Variants in SPATA18 observed in about 807,000 individuals in gnomAD.
SPATA18 encodes the protein mitochondria-eating protein.
SPATA18 carries 54 observed loss-of-function variants against 68.1 expected under a neutral mutation model. The ratio of observed to expected loss-of-function variants is 0.79; its 90% CI spans 0.64 to 0.99. SPATA18 has a LOEUF of 0.99. SPATA18 is among the 50% of genes least tolerant of loss of function. SPATA18 has a pLI of 0.00. For synonymous variants in SPATA18, 242 were observed against 244.8 expected (o/e 0.99, Z 0.11); for missense variants, 724 against 681.1 (o/e 1.06, Z -0.70).
At chr4:52,074,887 C>T (rs181668649) in intron 6 of SPATA18, among the ~76,000 whole-genome samples, 9 of 152,186 alleles carry the variant, frequency 5.9e-5, no homozygotes, top group Non-Finnish European at 1.2e-4. Flanking sequence ...CTTGCTCAGC[C>T]GCAATTAGAT....
intron 7 of SPATA18, among the ~76,000 whole-genome samples, chr4:52,077,577 C>T (rs1006016039): frequency 3.3e-5 from 5 of 151,920 alleles, no homozygotes; most frequent in Admixed American, 2.0e-4. Flanking sequence ...TATCCGTAAA[C>T]GCAGGACTAT....
intron 4 of SPATA18, among the ~76,000 whole-genome samples, chr4:52,069,582 G>A (rs1739616453): frequency 6.6e-6 from 1 of 152,122 alleles, no homozygotes; most frequent in Non-Finnish European, 1.5e-5. Flanking sequence ...TCTTTTGGGG[G>A]TAGTAGCTCT....
intron 3 of SPATA18, 73 bp downstream of exon 3, chr4:52,060,970 G>C: frequency 1.6e-6 from 2 of 1,232,240 alleles, no homozygotes; most frequent in East Asian, 4.8e-5. Context: ...TCCAAGAGAA[G>C]AAGAGGACTT....
chr4:52,076,462 G>C (rs959742747), intron 6 of SPATA18, among the ~76,000 whole-genome samples: 7 of 152,110 alleles, frequency 4.6e-5, no homozygotes, highest in African/African-American at 1.4e-4. Flanking sequence ...CCATTAATAG[G>C]CCAATTTGAT....
intron 4 of SPATA18, among the ~76,000 whole-genome samples, chr4:52,069,084 G>A (rs1003316831): frequency 6.6e-6 from 1 of 152,056 alleles, no homozygotes; most frequent in Non-Finnish European, 1.5e-5. Context: ...GCACAGGCTT[G>A]TCTTGAACTC....
chr4:52,081,547 A>G (rs913669670), intron 9 of SPATA18, among the ~76,000 whole-genome samples: 1 of 152,200 alleles, frequency 6.6e-6, no homozygotes, highest in African/African-American at 2.4e-5. Flanking sequence ...TGACTGGCCT[A>G]GAGGGACTAA....
intron 10 of SPATA18, chr4:52,083,414 C>T (rs1431865464): frequency 1.0e-6 from 1 of 985,140 alleles, no homozygotes; most frequent in Non-Finnish European, 1.2e-6. Context: ...CTTAAAAATC[C>T]CATTACAGTG....
Position 52,095,178 on chromosome 4 carries a change from G to T in SPATA18, c.*291G>T, listed in dbSNP as rs1742325566. ...AGCAAAGTCCGTTACAAAGGTTCAA[G>T]ATTTCCATCTCAAAACACTACGCTC... On this transcript the variant is annotated 3_prime_UTR_variant, in exon 13 of 13. Coordinates refer to ENST00000295213, the MANE Select transcript of SPATA18 (RefSeq NM_145263.4). 2.2e-6 allele frequency: 1 copy of T among 464,452 alleles called. No individual in the cohort carries two copies. Among genetic ancestry groups the T allele is most frequent in the Non-Finnish European group, 3.8e-6 (1 of 263,770 alleles). The allele number at this position is 464,452 out of a possible 1,614,324, so 28.8% of individuals were successfully genotyped here. A position where few individuals can be genotyped will look rare whatever the true frequency, so the allele number is the denominator to read the frequency against.
rs1395663554 is a variant in SPATA18 at position 52,076,956 on chromosome 4, G to C, written c.936G>C (p.Gln312His). The change falls in exon 7 of 13, where the codon CAG (glutamine) becomes CAC (histidine). Residue 312 changes from glutamine to histidine, a missense_variant. By Grantham distance (24) the Gln-to-His change is conservative. Coordinates refer to ENST00000295213, the MANE Select transcript of SPATA18 (RefSeq NM_145263.4). Reference protein sequence around the residue: ...LLSRFSDSYSQARLDAQCLLR... With the variant: ...LLSRFSDSYSHARLDAQCLLR... ...CCCGGTTCAGCGATTCCTATTCCCA[G>C]GCCCGCCTGGACGCGCAGTGCCTGC... 6.2e-7 allele frequency: 1 copy of C among 1,614,174 alleles called. No individual in the cohort carries two copies. Among genetic ancestry groups the C allele is most frequent in the African/African-American group, 1.3e-5 (1 of 75,068 alleles).
rs775351947 is a variant in SPATA18, at chr4:52,072,038, C to T, written c.640C>T (p.Leu214Phe). 9 of 1,613,894 alleles carry T rather than the reference C, an allele frequency of 5.6e-6. No homozygotes were observed. The South Asian group carries it at 9.9e-5, about 18-fold the overall frequency. ...GCGGAAGCGTGAGCAGTGGAACTCA[C>T]TCAAGCAGAATGCAGACCAGCAGGA... Reference protein sequence around the residue: ...EERKREQWNSLKQNADQQDTE... With the variant: ...EERKREQWNSFKQNADQQDTE... Residue 214 changes from leucine (L) to phenylalanine (F), a missense_variant, in exon 6 of 13, where the codon CTC becomes TTC. Transcript: ENST00000295213.
intron 11 of SPATA18, among the ~76,000 whole-genome samples, chr4:52,086,303 A>G (rs1000449769): frequency 6.6e-6 from 1 of 152,206 alleles, no homozygotes; most frequent in Admixed American, 6.5e-5. Context: ...TTACATGTGC[A>G]GAACATGCAG....
chr4:52,079,042 C>T, intron 8 of SPATA18, 149 bp downstream of exon 8: 1 of 787,930 alleles, frequency 1.3e-6, no homozygotes, highest in Non-Finnish European at 1.8e-6. Flanking sequence ...TACTTGGTAG[C>T]ACCTGCCATT....
intron 1 of SPATA18, among the ~76,000 whole-genome samples, chr4:52,053,211 T>C (rs183666303): frequency 1.1e-3 from 166 of 152,368 alleles, no homozygotes; most frequent in African/African-American, 3.8e-3. Context: ...AATAAACAAT[T>C]ATTTTAGAAA....
chr4:52,068,352 G>A (rs1244366442), intron 4 of SPATA18, among the ~76,000 whole-genome samples: 8 of 151,952 alleles, frequency 5.3e-5, no homozygotes, highest in Non-Finnish European at 7.4e-5. Flanking sequence ...AAAATATACC[G>A]TGTGACAGGA....
At chr4:52,053,130 T>C (rs1041823639) in intron 1 of SPATA18, among the ~76,000 whole-genome samples, 3 of 152,080 alleles carry the variant, frequency 2.0e-5, no homozygotes, top group Non-Finnish European at 4.4e-5. Flanking sequence ...CTAACTAAAC[T>C]CTGAATTTTA....
At chr4:52,077,907 A>G (rs1740536531) in intron 7 of SPATA18, among the ~76,000 whole-genome samples, 1 of 152,198 alleles carries the variant, frequency 6.6e-6, no homozygotes, top group Admixed American at 6.5e-5. Flanking sequence ...GAATTGTTAA[A>G]TATTAAGAAA....
At chr4:52,084,048 G>A (rs1741199372) in intron 10 of SPATA18, among the ~76,000 whole-genome samples, 2 of 42,178 alleles carry the variant, frequency 4.7e-5, no homozygotes, top group South Asian at 3.6e-3. Flanking sequence ...CTGAGATCCT[G>A]TCAAAAAAAA....
intron 11 of SPATA18, among the ~76,000 whole-genome samples, chr4:52,093,038 G>A (rs1302141030): frequency 6.6e-6 from 1 of 151,998 alleles, no homozygotes; most frequent in African/African-American, 2.4e-5. Flanking sequence ...ATAACTAATT[G>A]GTACTAGGCT....
chr4:52,092,915 C>T (rs1742107782), intron 11 of SPATA18, among the ~76,000 whole-genome samples: 1 of 152,174 alleles, frequency 6.6e-6, no homozygotes, highest in African/African-American at 2.4e-5. Flanking sequence ...AAATACCTTT[C>T]TCACTTATAA....
Sources: gnomAD v4.1 joint callset for allele counts (sites outside exome capture counted in the v4.1 genomes callset) on GRCh38, gnomAD v4.1.1 for gene constraint, MANE v1.5 for transcripts, NCBI Gene and HGNC (gene_info 2026-07-23, HGNC 2026-07-21) for gene names.